The following SNX27 variants were observed in gnomAD, a reference collection of about 807,000 sequenced individuals.
SNX27 encodes the protein sorting nexin 27.
SNX27 carries 22 observed loss-of-function variants against 71.6 expected under a neutral mutation model. The observed-to-expected ratio is 0.31, with a 90% CI of 0.22 to 0.44. The LOEUF (loss-of-function observed/expected upper bound fraction) is 0.44. Among genes scored for constraint, SNX27 ranks in the 20% least tolerant of loss-of-function variants. SNX27 has a pLI of 1.00. For missense variants in SNX27, 531 were observed against 698.6 expected (o/e 0.76, Z 2.70); for synonymous variants, 269 against 277.2 (o/e 0.97, Z 0.29).
chr1:151,621,628 G>A (rs1459412426), intron 1 of SNX27, among the ~76,000 whole-genome samples: 1 of 152,196 alleles, frequency 6.6e-6, no homozygotes, highest in Admixed American at 6.5e-5. Flanking sequence ...CTTTCAAGAG[G>A]CTGATTACTC....
intron 2 of SNX27, among the ~76,000 whole-genome samples, chr1:151,643,386 C>G (rs1021033883): frequency 6.6e-6 from 1 of 151,954 alleles, no homozygotes; most frequent in African/African-American, 2.4e-5. Context: ...CCTCGGCCTC[C>G]CGGGTTCAAG....
intron 3 of SNX27, chr1:151,660,101 TA>T (rs1308726221): frequency 2.6e-5 from 4 of 152,164 alleles, no homozygotes; most frequent in Non-Finnish European, 5.9e-5. Context: ...GTACAATTTT[TA>T]AAAATCAAAC....
chr1:151,694,057 A>G, intron 11 of SNX27: 1 of 1,239,532 alleles, frequency 8.1e-7, no homozygotes, highest in East Asian at 3.6e-5. Context: ...CAGTAGAAAG[A>G]ACATTGGGCT....
intron 8 of SNX27, among the ~76,000 whole-genome samples, chr1:151,691,573 C>T (rs1254963787): frequency 3.3e-5 from 5 of 149,854 alleles, no homozygotes; most frequent in Non-Finnish European, 5.9e-5. Context: ...TGGGTTCAAG[C>T]GATTCTCCTG....
intron 2 of SNX27, among the ~76,000 whole-genome samples, chr1:151,640,380 A>ATT (rs1364935023): frequency 1.3e-5 from 2 of 152,068 alleles, no homozygotes; most frequent in African/African-American, 4.8e-5. Flanking sequence ...TTTTATTTTT[A>ATT]TTATATATAT....
chr1:151,620,606 C>T (rs1292065743), intron 1 of SNX27, among the ~76,000 whole-genome samples: 1 of 151,926 alleles, frequency 6.6e-6, no homozygotes, highest in African/African-American at 2.4e-5. Context: ...ATTGTGTTTA[C>T]AATTGATAAC....
At chr1:151,664,458 C>T (rs567181475) in intron 5 of SNX27, among the ~76,000 whole-genome samples, 65 of 151,826 alleles carry the variant, frequency 4.3e-4, no homozygotes, top group African/African-American at 1.5e-3. Flanking sequence ...ATATTTCTTA[C>T]CCTAGATATC....
chr1:151,612,572 C>T lies in SNX27; in HGVS notation c.311+60C>T, dbSNP rs1443941474. 5.8e-6 allele frequency: 7 copies of T among 1,200,938 alleles called. No individual in the cohort carries two copies. The highest frequency in any genetic ancestry group is 4.2e-5 in the Admixed American group (1 of 23,688). The allele number at this position is 1,200,938 out of a possible 1,614,324, so 74.4% of individuals were successfully genotyped here. On this transcript the variant is annotated intron_variant, in intron 1 of 11. Transcript: ENST00000458013. The surrounding 1 kb of genome is among the most constrained non-coding windows in gnomAD (Gnocchi z 5.2). The stretch of plus-strand genomic sequence containing the variant: ...CCGCGCCCCTCCTGCCCCTGCACTC[C>T]TCGCTACCCTTGTCACCCCCAGGCC...
At chr1:151,633,462 A>AATTTTTTGT (rs1418781251) in intron 1 of SNX27, among the ~76,000 whole-genome samples, 1 of 151,798 alleles carries the variant, frequency 6.6e-6, no homozygotes, top group African/African-American at 2.4e-5. Flanking sequence ...ATGCCCAGCT[A>AATTTTTTGT]ATTTTTTGTA....
intron 2 of SNX27, among the ~76,000 whole-genome samples, chr1:151,653,809 C>A (rs1325023082): frequency 2.0e-5 from 3 of 150,912 alleles, no homozygotes; most frequent in South Asian, 4.2e-4. Flanking sequence ...ACAAGAGCCA[C>A]TGTGCCCAGC....
intron 1 of SNX27, among the ~76,000 whole-genome samples, chr1:151,633,017 G>A (rs1176266287): frequency 6.6e-6 from 1 of 151,436 alleles, no homozygotes; most frequent in Non-Finnish European, 1.5e-5. Context: ...GACTACAGGC[G>A]CCCGCCACTA....
chr1:151,624,409 T>TTATATATATATA lies in SNX27; in HGVS notation c.311+11909_311+11920dup, dbSNP rs10577800. Among the ~76,000 whole-genome samples the TTATATATATATA allele has an allele frequency of 5.3e-4, 69 of 129,762 alleles. No homozygotes were observed. The South Asian group carries it at 6.2e-3, about 12-fold the overall frequency. The allele number at this position is 129,762 out of a possible 152,430, so 85.1% of individuals were successfully genotyped here. A position where few individuals can be genotyped will look rare whatever the true frequency, so the allele number is the denominator to read the frequency against. ...CTTTTTTTTTCTGAATAGCTTGATT[T>TTATATATATATA]TATATATATATATATATATATATGT... On this transcript the variant is annotated intron_variant, in intron 1 of 11. Coordinates refer to ENST00000458013, the MANE Select transcript of SNX27 (RefSeq NM_001330723.2).
intron 1 of SNX27, among the ~76,000 whole-genome samples, chr1:151,617,435 C>T (rs1405754714): frequency 6.6e-6 from 1 of 152,052 alleles, no homozygotes; most frequent in East Asian, 1.9e-4. Flanking sequence ...TGTGCCACCA[C>T]GCCCATCTAA....
rs74125848 is a variant in SNX27, at chr1:151,637,697, G to A, written c.312-1191G>A. 4.4e-3 allele frequency among the ~76,000 whole-genome samples: 663 copies of A among 152,182 alleles called. 6 individuals are homozygous for A. The highest frequency in any genetic ancestry group is 0.015 in the African/African-American group (636 of 41,502). ...ATTAAATCCCAGGAGGCTAGCTGGGGGGTCTCCTGACTGTTCTGTTTATAT... is the reference window on the plus strand; with the variant it reads ...ATTAAATCCCAGGAGGCTAGCTGGGAGGTCTCCTGACTGTTCTGTTTATAT... On this transcript the variant is annotated intron_variant, in intron 1 of 11. Coordinates refer to ENST00000458013, the MANE Select transcript of SNX27 (RefSeq NM_001330723.2).
chr1:151,660,965 A>G, intron 4 of SNX27, 103 bp downstream of exon 4: 1 of 852,676 alleles, frequency 1.2e-6, no homozygotes. Context: ...AAGCTCTCCA[A>G]AGGACTCCAT....
In SNX27 at chr1:151,660,647, T is replaced by C. The variant is rs182028590; in HGVS notation, c.737-151T>C. ...ATGTTTGTCATGCCTTAAAATCTTATATACCAGACATGGTTTGCTGCCTCA... is the reference window on the plus strand; with the variant it reads ...ATGTTTGTCATGCCTTAAAATCTTACATACCAGACATGGTTTGCTGCCTCA... On this transcript the variant is annotated intron_variant, in intron 3 of 11. Transcript: ENST00000458013. 420 of 613,472 alleles carry C rather than the reference T, an allele frequency of 6.8e-4. 2 individuals carry two copies. Among genetic ancestry groups the C allele is most frequent in the African/African-American group, 6.8e-3 (366 of 54,214 alleles). 38.0% of individuals were successfully genotyped at this position (613,472 alleles called of 1,614,324 possible).
chr1:151,620,883 G>A (rs545772158), intron 1 of SNX27, among the ~76,000 whole-genome samples: 47 of 152,058 alleles, frequency 3.1e-4, no homozygotes, highest in African/African-American at 1.1e-3. Context: ...GTAGAGACCG[G>A]GTTTCACCAT....
chr1:151,653,836 GTTT>G (rs60604221), intron 2 of SNX27, among the ~76,000 whole-genome samples: 1 of 129,744 alleles, frequency 7.7e-6, no homozygotes, highest in Non-Finnish European at 1.6e-5. Context: ...AGTTTTTTTT[GTTT>G]TTTTTTTTTT....
intron 5 of SNX27, among the ~76,000 whole-genome samples, chr1:151,664,299 C>T (rs145695409): frequency 5.9e-4 from 89 of 150,882 alleles, no homozygotes; most frequent in African/African-American, 2.1e-3. Context: ...TAATCGATAA[C>T]ATATATTATC....
Sources: allele counts gnomAD v4.1 joint callset (sites outside exome capture counted in the v4.1 genomes callset), GRCh38; gene constraint gnomAD v4.1.1; non-coding constraint Gnocchi (gnomAD v3.1); transcripts MANE v1.5; gene names NCBI Gene and HGNC (gene_info 2026-07-23, HGNC 2026-07-21).